The following HSP90B1 variants were observed in gnomAD, a reference collection of about 807,000 sequenced individuals.
The protein encoded by HSP90B1 is heat shock protein 90 beta family member 1, also known as endoplasmin.
In HSP90B1, 27 loss-of-function variants were observed where a neutral mutation model predicts 100.4. The ratio of observed to expected loss-of-function variants is 0.27; its 90% confidence interval spans 0.20 to 0.37. The LOEUF is 0.37. Ranked by LOEUF, HSP90B1 falls within the 10% of genes least tolerant of loss-of-function variation. The probability of loss-of-function intolerance (pLI) is 1.00; values close to 1 mark genes in which losing one functional copy is unlikely to be tolerated. For missense variants in HSP90B1, 678 were observed against 960.5 expected (o/e 0.71, Z 3.89); for synonymous variants, 304 against 330.8 (o/e 0.92, Z 0.88).
intron 6 of HSP90B1, 111 bp from the exon 7 acceptor site, chr12:103,938,229 G>A (rs1869972417): frequency 2.2e-6 from 2 of 917,228 alleles, no homozygotes; most frequent in South Asian, 3.9e-5. Context: ...ATACTCTCAG[G>A]GTTTTCTTAC....
rs1167075304 is a variant in HSP90B1, at chr12:103,930,590, T to TC, written c.49+32dup. ...GTGAGTGATTCTGGAGGAGCAGACG[T>TC]CCCCCCTCCACACACGCGGCCGCTT... On this transcript the variant is annotated intron_variant, in intron 1 of 17. Coordinates refer to ENST00000299767, the MANE Select transcript of HSP90B1 (RefSeq NM_003299.3). This position sits in a 1 kb window ranked among gnomAD's most constrained non-coding sequence, Gnocchi z 4.4. 4.4e-6 allele frequency: 7 copies of TC among 1,591,474 alleles called. No homozygotes were observed. The highest frequency in any genetic ancestry group is 3.5e-5 in the Admixed American group (2 of 57,332).
At position 103,938,095 on chromosome 12, in the gene HSP90B1, C is replaced by T. The variant is rs923411372; in HGVS notation, c.856-245C>T. ...CTGAAGCAGGAGAATTGCTTGAACC[C>T]GGGAGACGGAGGTTGCAGTGAGCCA... On this transcript the variant is annotated intron_variant, in intron 6 of 17. Transcript: ENST00000299767. 28 of 395,266 alleles carry T rather than the reference C, an allele frequency of 7.1e-5. 1 individual carries two copies. In the Admixed American group the frequency reaches 1.1e-3, roughly 16 times the overall value. The allele number at this position is 395,266 out of a possible 1,614,324, so 24.5% of individuals were successfully genotyped here.
In HSP90B1 at chr12:103,946,623, A is replaced by T; in HGVS notation, c.2033A>T (p.Tyr678Phe). ...QTGKDISTNY[Y>F]ASQKKTFEIN... ...TCATTTTTATCTCTTAACAGTTACTATGCGAGTCAGAAGAAAACATTTGAA... is the reference window on the plus strand; with the variant it reads ...TCATTTTTATCTCTTAACAGTTACTTTGCGAGTCAGAAGAAAACATTTGAA... The change falls in exon 15 of 18, where the codon TAT becomes TTT. Residue 678 changes from tyrosine to phenylalanine, a missense_variant. By Grantham distance (22) the Tyr-to-Phe change is conservative. Coordinates refer to ENST00000299767, the MANE Select transcript of HSP90B1 (RefSeq NM_003299.3). 6.2e-7 allele frequency: 1 copy of T among 1,611,890 alleles called. No individual in the cohort carries two copies. The highest frequency in any genetic ancestry group is 8.5e-7 in the Non-Finnish European group (1 of 1,178,010).
intron 10 of HSP90B1, 58 bp from the exon 11 acceptor site, chr12:103,941,774 G>C: frequency 6.2e-7 from 1 of 1,603,070 alleles, no homozygotes; most frequent in Non-Finnish European, 8.5e-7. Context: ...GTGTTTGTTT[G>C]GCTTTGCTTT....
intron 6 of HSP90B1, 111 bp downstream of exon 6, chr12:103,937,917 C>T (rs1454522755): frequency 1.3e-5 from 8 of 593,016 alleles, no homozygotes; most frequent in East Asian, 3.2e-5. Context: ...TTGTAATCCC[C>T]GCACTTTGGG....
chr12:103,932,247 A>T, intron 2 of HSP90B1, 30 bp from the exon 3 acceptor site: 2 of 1,584,568 alleles, frequency 1.3e-6, no homozygotes, highest in Non-Finnish European at 1.7e-6. Context: ...TATGCCATGC[A>T]ATATTTGCTT....
intron 8 of HSP90B1, among the ~76,000 whole-genome samples, chr12:103,940,336 T>C (rs60696717): frequency 6.7e-6 from 1 of 148,320 alleles, no homozygotes; most frequent in African/African-American, 2.5e-5. Context: ...TCCTTGCCTG[T>C]TTTTTTTTTT....
In HSP90B1 at chr12:103,933,993, C is replaced by A. The variant is rs1869835345; in HGVS notation, c.449C>A (p.Thr150Asn). ...AAGAACCTGCTGCATGTCACAGACA[C>A]CGGTGTAGGAATGACCAGAGAAGAG... ...KEKNLLHVTDTGVGMTREELV... is the reference protein window; with the variant it reads ...KEKNLLHVTDNGVGMTREELV... Residue 150 changes from threonine (T) to asparagine (N), a missense_variant, in exon 5 of 18, where the codon ACC (threonine) becomes AAC (asparagine). By Grantham distance (65) the Thr-to-Asn change is moderately conservative. Coordinates refer to ENST00000299767, the MANE Select transcript of HSP90B1 (RefSeq NM_003299.3). 1.2e-6 allele frequency: 2 copies of A among 1,613,990 alleles called. No homozygotes were observed. Among genetic ancestry groups the A allele is most frequent in the Non-Finnish European group, 1.7e-6 (2 of 1,179,960 alleles).
intron 14 of HSP90B1, among the ~76,000 whole-genome samples, chr12:103,944,510 A>G (rs1870168581): frequency 6.6e-6 from 1 of 151,632 alleles, no homozygotes; most frequent in Non-Finnish European, 1.5e-5. Context: ...TGTTTCTGAT[A>G]TGCTATCTAG....
Position 103,930,459 on chromosome 12 carries a change from G to A in HSP90B1, c.-57G>A, listed in dbSNP as rs927718247. 1 of 1,173,974 alleles carries A rather than the reference G, an allele frequency of 8.5e-7. No homozygotes were observed. Among genetic ancestry groups the A allele is most frequent in the East Asian group, 2.5e-5 (1 of 40,750 alleles). The allele number at this position is 1,173,974 out of a possible 1,614,324, so 72.7% of individuals were successfully genotyped here. On this transcript the variant is annotated 5_prime_UTR_variant, in exon 1 of 18. Transcript: ENST00000299767. This position sits in a 1 kb window ranked among gnomAD's most constrained non-coding sequence, Gnocchi z 4.4. ...GTGTGAGGATCCGAACCCAGGGGTG[G>A]GGGGTGGAGGCGGCTCCTGCGATCG...
chr12:103,941,379 T>G (rs759066870), intron 8 of HSP90B1, 31 bp from the exon 9 acceptor site: 7 of 1,607,812 alleles, frequency 4.4e-6, no homozygotes, highest in Non-Finnish European at 4.2e-6. Context: ...TCCTGTGTCG[T>G]TTGAATGACT....
Position 103,946,642 on chromosome 12 carries a change from A to G in HSP90B1, c.2052A>G (p.Thr684=). Residue 684 remains threonine, a synonymous_variant, in exon 15 of 18, where the codon ACA becomes ACG. Coordinates refer to ENST00000299767, the MANE Select transcript of HSP90B1 (RefSeq NM_003299.3). ...GTTACTATGCGAGTCAGAAGAAAACATTTGAAATTAATCCCAGACACCCGC... is the reference window on the plus strand; with the variant it reads ...GTTACTATGCGAGTCAGAAGAAAACGTTTGAAATTAATCCCAGACACCCGC... ...STNYYASQKK[T]FEINPRHPLI... is the part of the protein sequence containing the mutation. 6.2e-7 allele frequency: 1 copy of G among 1,613,926 alleles called. No homozygotes were observed. Among genetic ancestry groups the G allele is most frequent in the Non-Finnish European group, 8.5e-7 (1 of 1,179,816 alleles).
chr12:103,935,524 A>C (rs945667039), intron 5 of HSP90B1, among the ~76,000 whole-genome samples: 1 of 152,194 alleles, frequency 6.6e-6, no homozygotes, highest in Non-Finnish European at 1.5e-5. Context: ...CATTGTGACC[A>C]ACTTTCTTCA....
chr12:103,940,695 T>C (rs1376317968), intron 8 of HSP90B1, among the ~76,000 whole-genome samples: 1 of 152,216 alleles, frequency 6.6e-6, no homozygotes, highest in African/African-American at 2.4e-5. Flanking sequence ...TTAGAAGCCA[T>C]ACAAAAAAAG....
At chr12:103,934,961 A>G (rs1869868526) in intron 5 of HSP90B1, among the ~76,000 whole-genome samples, 1 of 152,182 alleles carries the variant, frequency 6.6e-6, no homozygotes, top group Non-Finnish European at 1.5e-5. Context: ...TCGGCCTCCC[A>G]AAGTGCTGGG....
At chr12:103,947,044 GC>G in intron 16 of HSP90B1, 103 bp downstream of exon 16, 1 of 1,294,856 alleles carries the variant, frequency 7.7e-7, no homozygotes, top group Non-Finnish European at 1.1e-6. Flanking sequence ...TGCGACATTT[GC>G]CTAATTTCTA....
chr12:103,935,325 C>T lies in HSP90B1; in HGVS notation c.743+1038C>T, dbSNP rs141975736. Among the ~76,000 whole-genome samples the T allele has an allele frequency of 2.7e-4, 41 of 152,274 alleles. No homozygotes were observed. In the East Asian group the frequency reaches 6.6e-3, roughly 24 times the overall value. On this transcript the variant is annotated intron_variant, in intron 5 of 17. Transcript: ENST00000299767. ...GCTCTCGTTGCTTATAGCACTGTGA[C>T]GTAGACAGGGCAGCTTTTTGCCTTT... is the stretch of plus-strand genomic sequence containing the variant.
At chr12:103,947,031 C>T (rs1870256091) in intron 16 of HSP90B1, 90 bp downstream of exon 16, 2 of 1,389,588 alleles carry the variant, frequency 1.4e-6, no homozygotes, top group African/African-American at 1.5e-5. Context: ...AGGGATGTAG[C>T]TTTGCGACAT....
chr12:103,945,528 T>C (rs1352830369), intron 14 of HSP90B1, among the ~76,000 whole-genome samples: 1 of 152,152 alleles, frequency 6.6e-6, no homozygotes. Context: ...TTTCTTGGAA[T>C]CATTGGCGAA....
Sources: gnomAD v4.1 joint callset for allele counts (sites outside exome capture counted in the v4.1 genomes callset) on GRCh38, gnomAD v4.1.1 for gene constraint, Gnocchi (gnomAD v3.1) non-coding constraint, MANE v1.5 for transcripts, NCBI Gene and HGNC (gene_info 2026-07-23, HGNC 2026-07-21) for gene names.